The following CLEC17A variants were observed in gnomAD, a reference collection of about 807,000 sequenced individuals.
CLEC17A encodes C-type lectin domain containing 17A.
A neutral mutation model predicts 61.3 loss-of-function variants in CLEC17A; 37 were observed. That is an observed-to-expected ratio of 0.60 (90% CI 0.46 to 0.79). The LOEUF (loss-of-function observed/expected upper bound fraction) is 0.79, where lower values mean the gene tolerates loss of function less well. CLEC17A is among the 30% of genes least tolerant of loss of function. CLEC17A has a pLI of 0.00. For synonymous variants in CLEC17A, 168 were observed against 164.9 expected, an observed-to-expected ratio of 1.02 and a Z score of -0.14; for missense variants, 418 against 464.7, an observed-to-expected ratio of 0.90 and a Z score of 0.92.
chr19:14,587,253 GTGTGTGTGTT>G (rs111648942), intron 2 of CLEC17A, among the ~76,000 whole-genome samples: 4,305 of 151,734 alleles, frequency 0.028, 228 homozygotes, highest in African/African-American at 0.097. Flanking sequence ...GTGTGTGTGT[GTGTGTGTGTT>G]TGTGTTTGTG....
intron 4 of CLEC17A, among the ~76,000 whole-genome samples, chr19:14,592,659 T>G (rs1333179138): frequency 6.6e-6 from 1 of 151,552 alleles, no homozygotes; most frequent in East Asian, 1.9e-4. Flanking sequence ...TGAGTAGACA[T>G]TTCTTTCTTT....
intron 2 of CLEC17A, among the ~76,000 whole-genome samples, chr19:14,587,309 C>T (rs1308647498): frequency 1.3e-5 from 2 of 151,616 alleles, no homozygotes; most frequent in African/African-American, 2.4e-5. Context: ...ATGGATTTGC[C>T]TGTACTTGAC....
rs756208700 is a variant in CLEC17A, at chr19:14,607,117, T to C, written c.1004+15T>C. The C allele has an allele frequency of 8.2e-6, 10 of 1,225,898 alleles. No individual in the cohort carries two copies. The South Asian group carries it at 2.2e-4, about 27-fold the overall frequency. The allele number at this position is 1,225,898 out of a possible 1,614,324, so 75.9% of individuals were successfully genotyped here. A position where few individuals can be genotyped will look rare whatever the true frequency, so the allele number is the denominator to read the frequency against. ...GTGACATTAAGGCAAGTGCTTGGGT[T>C]TCCTGGGGTCTCTCTGCTTCCTCTG... is the stretch of plus-strand genomic sequence containing the variant. On this transcript the variant is annotated intron_variant, in intron 13 of 13. Transcript: ENST00000417570.
intron 10 of CLEC17A, 200 bp from the exon 11 acceptor site, chr19:14,599,517 C>T: frequency 1.6e-6 from 1 of 644,154 alleles, no homozygotes; most frequent in Non-Finnish European, 2.8e-6. Flanking sequence ...CCCCACATCC[C>T]CGGGATTGAT....
At chr19:14,593,562 C>T (rs1424393292) in intron 4 of CLEC17A, among the ~76,000 whole-genome samples, 3 of 151,636 alleles carry the variant, frequency 2.0e-5, no homozygotes, top group South Asian at 2.1e-4. Context: ...CTCAGGAGGC[C>T]GAGGTGGTAG....
chr19:14,611,645 T>A lies in CLEC17A; in HGVS notation c.*1449T>A, dbSNP rs1168168906. ...TGGTCATATCCACACAGGACAACGA[T>A]GGACCTATCTGCCAGCACGTGCCCT... On this transcript the variant is annotated 3_prime_UTR_variant, in exon 14 of 14. Coordinates refer to ENST00000417570, the MANE Select transcript of CLEC17A (RefSeq NM_001204118.2). 6.6e-6 allele frequency among the ~76,000 whole-genome samples: 1 copy of A among 152,108 alleles called. No individual in the cohort carries two copies. The highest frequency in any genetic ancestry group is 2.4e-5 in the African/African-American group (1 of 41,424).
intron 12 of CLEC17A, among the ~76,000 whole-genome samples, chr19:14,606,239 A>T (rs368923847): frequency 6.6e-6 from 1 of 152,094 alleles, no homozygotes; most frequent in Non-Finnish European, 1.5e-5. Flanking sequence ...AGACGTCCAC[A>T]GTATGAGGCT....
At chr19:14,593,760 A>T (rs1352701005) in intron 4 of CLEC17A, among the ~76,000 whole-genome samples, 1 of 151,436 alleles carries the variant, frequency 6.6e-6, no homozygotes, top group East Asian at 1.9e-4. Context: ...GGAGATTGAG[A>T]CCATCCTAGC....
At chr19:14,585,146 G>A (rs1441085312) in intron 2 of CLEC17A, among the ~76,000 whole-genome samples, 1 of 152,212 alleles carries the variant, frequency 6.6e-6, no homozygotes, top group Non-Finnish European at 1.5e-5. Context: ...CTGCTCATTA[G>A]TTTTTATGAG....
upstream of CLEC17A, among the ~76,000 whole-genome samples, chr19:14,581,572 T>C (rs570535039): frequency 2.6e-5 from 4 of 152,160 alleles, no homozygotes; most frequent in South Asian, 8.3e-4. Flanking sequence ...CCTCAAGTGA[T>C]CCACCTGTCT....
At chr19:14,607,250 G>C in intron 13 of CLEC17A, 148 bp downstream of exon 13, 1 of 296,936 alleles carries the variant, frequency 3.4e-6, no homozygotes, top group Non-Finnish European at 6.1e-6. Flanking sequence ...TGTCGCCCAG[G>C]CTGGAGTGCA....
chr19:14,606,458 C>A (rs1258108086), intron 12 of CLEC17A, among the ~76,000 whole-genome samples: 1 of 151,504 alleles, frequency 6.6e-6, no homozygotes, highest in Non-Finnish European at 1.5e-5. Context: ...GCAGGTGAAT[C>A]AACTGAGGTC....
intron 10 of CLEC17A, among the ~76,000 whole-genome samples, chr19:14,599,084 T>G (rs2074634510): frequency 8.0e-6 from 1 of 124,514 alleles, no homozygotes; most frequent in Non-Finnish European, 1.7e-5. Context: ...CTTTGCTTTT[T>G]TTTTTTTTTT....
At chr19:14,600,964 G>A (rs1291299493) in intron 12 of CLEC17A, among the ~76,000 whole-genome samples, 1 of 123,434 alleles carries the variant, frequency 8.1e-6, no homozygotes, top group Non-Finnish European at 1.6e-5. Flanking sequence ...GTGCAGTGGT[G>A]CAATCTTGGC....
intron 13 of CLEC17A, among the ~76,000 whole-genome samples, chr19:14,609,652 A>T (rs1310225539): frequency 6.6e-6 from 1 of 151,842 alleles, no homozygotes; most frequent in African/African-American, 2.4e-5. Flanking sequence ...AGCCTGGCCA[A>T]CATGGTGAAA....
intron 2 of CLEC17A, chr19:14,584,051 C>G (rs2074228084): frequency 7.4e-6 from 1 of 134,490 alleles, no homozygotes; most frequent in African/African-American, 2.9e-5. Flanking sequence ...GGCAACATAG[C>G]AAGACCCTAT....
At chr19:14,594,451 C>T (rs1353972484) in intron 4 of CLEC17A, 66 bp from the exon 5 acceptor site, 9 of 1,541,590 alleles carry the variant, frequency 5.8e-6, no homozygotes, top group Non-Finnish European at 7.9e-6. Context: ...AACCCTGTTT[C>T]CATCACTTCC....
At chr19:14,607,489 C>T (rs964139209) in intron 13 of CLEC17A, among the ~76,000 whole-genome samples, 1 of 151,616 alleles carries the variant, frequency 6.6e-6, no homozygotes, top group Non-Finnish European at 1.5e-5. Context: ...AGGCGTGAGC[C>T]ACCGCGCCCG....
chr19:14,610,883 A>G lies in CLEC17A; in HGVS notation c.*687A>G, dbSNP rs1340020280. The G allele has an allele frequency of 6.6e-6, 1 of 152,046 alleles. No individual in the cohort carries two copies. The highest frequency in any genetic ancestry group is 1.5e-5 in the Non-Finnish European group (1 of 68,036). 9.4% of individuals were successfully genotyped at this position (152,046 alleles called of 1,614,324 possible). ...CACTCTGTTGCCGAGGCTGGTCTCA[A>G]ACTCCTGGGGTCAAGCAATCCTTCC... On this transcript the variant is annotated 3_prime_UTR_variant, in exon 14 of 14. Transcript: ENST00000417570.
Sources: gnomAD v4.1 joint callset for allele counts (sites outside exome capture counted in the v4.1 genomes callset) on GRCh38, gnomAD v4.1.1 for gene constraint, MANE v1.5 for transcripts, NCBI Gene and HGNC (gene_info 2026-07-23, HGNC 2026-07-21) for gene names.